Variants in ENAH observed in about 807,000 individuals in gnomAD.
ENAH encodes protein enabled homolog.
ENAH carries 23 observed loss-of-function variants against 78.7 expected under a neutral mutation model. That is an observed-to-expected ratio of 0.29 (90% confidence interval 0.21 to 0.41). ENAH has a LOEUF of 0.41. ENAH is among the 10% of genes least tolerant of loss of function. ENAH has a pLI of 1.00. For missense variants in ENAH, 544 were observed against 691.0 expected (o/e 0.79, Z 2.39); for synonymous variants, 226 against 241.0 (o/e 0.94, Z 0.58).
chr1:225,585,226 A>G, intron 1 of ENAH, among the ~76,000 whole-genome samples: 1 of 147,248 alleles, frequency 6.8e-6, no homozygotes, highest in Non-Finnish European at 1.5e-5. Flanking sequence ...AAAAAAAAAA[A>G]AAAAAAAAAA....
chr1:225,611,244 G>A (rs970008722), intron 1 of ENAH, among the ~76,000 whole-genome samples: 3 of 152,134 alleles, frequency 2.0e-5, no homozygotes, highest in Admixed American at 2.0e-4. Context: ...TGGAAGGACT[G>A]TATGAGCCTG....
intron 2 of ENAH, among the ~76,000 whole-genome samples, chr1:225,555,451 G>A (rs1437757160): frequency 2.0e-5 from 3 of 152,000 alleles, no homozygotes; most frequent in African/African-American, 2.4e-5. Flanking sequence ...GCGCAGTGGC[G>A]GGTGCCTGTA....
intron 1 of ENAH, among the ~76,000 whole-genome samples, chr1:225,576,056 T>C (rs561656): frequency 0.66 from 100,489 of 151,884 alleles, 33,517 homozygotes; most frequent in Middle Eastern, 0.74. Flanking sequence ...CTCCCAGAGG[T>C]TGAGAATCAG....
At position 225,639,786 on chromosome 1, in the gene ENAH, A is replaced by T. The variant is rs76799839; in HGVS notation, c.5+12900T>A. ...TTCCTCCAAGAATTACTGGGTCTCA[A>T]TGTGAATCCTGGAAGCCCTATGGTC... On this transcript the variant is annotated intron_variant, in intron 1 of 13. Transcript: ENST00000366843. 4.7e-4 allele frequency among the ~76,000 whole-genome samples: 72 copies of T among 151,614 alleles called. 1 individual carries two copies. The East Asian group carries it at 0.012, about 26-fold the overall frequency.
At chr1:225,652,164 T>G (rs992806331) in intron 1 of ENAH, among the ~76,000 whole-genome samples, 1 of 151,932 alleles carries the variant, frequency 6.6e-6, no homozygotes, top group African/African-American at 2.4e-5. Flanking sequence ...ATCGTGAAAT[T>G]TCACCTTTCA....
At chr1:225,552,222 C>T (rs1461519712) in intron 3 of ENAH, among the ~76,000 whole-genome samples, 8 of 150,504 alleles carry the variant, frequency 5.3e-5, no homozygotes, top group Middle Eastern at 3.4e-3. Context: ...CTGCAAGCTC[C>T]GCCTCCCGGG....
intron 1 of ENAH, among the ~76,000 whole-genome samples, chr1:225,629,519 G>A (rs1283127792): frequency 5.5e-5 from 8 of 145,162 alleles, no homozygotes; most frequent in Admixed American, 2.7e-4. Flanking sequence ...TCTGGGAAGC[G>A]GAGGTTGCAG....
chr1:225,636,848 A>G (rs1177756713), intron 1 of ENAH, among the ~76,000 whole-genome samples: 1 of 152,308 alleles, frequency 6.6e-6, no homozygotes, highest in East Asian at 1.9e-4. Flanking sequence ...TAAGGGAAAA[A>G]TGTATGTATG....
At chr1:225,510,592 T>C (rs1340495359) in intron 10 of ENAH, among the ~76,000 whole-genome samples, 1 of 149,444 alleles carries the variant, frequency 6.7e-6, no homozygotes, top group Non-Finnish European at 1.5e-5. Flanking sequence ...AATTATGGTA[T>C]AGCAATCAAC....
At chr1:225,588,650 A>T (rs936716678) in intron 1 of ENAH, among the ~76,000 whole-genome samples, 1 of 152,160 alleles carries the variant, frequency 6.6e-6, no homozygotes, top group Non-Finnish European at 1.5e-5. Context: ...TCGACTAAAA[A>T]TACAAAAATT....
At chr1:225,585,591 C>G (rs1293112380) in intron 1 of ENAH, among the ~76,000 whole-genome samples, 2 of 151,976 alleles carry the variant, frequency 1.3e-5, no homozygotes, top group African/African-American at 4.8e-5. Context: ...AGTTCGAGAC[C>G]AACCTGACCA....
chr1:225,502,163 G>T (rs768055159), intron 11 of ENAH, among the ~76,000 whole-genome samples: 2 of 152,070 alleles, frequency 1.3e-5, no homozygotes, highest in African/African-American at 2.4e-5. Flanking sequence ...TAAACCCATA[G>T]GCATGGTTCC....
intron 1 of ENAH, among the ~76,000 whole-genome samples, chr1:225,571,304 T>G (rs1374538390): frequency 6.6e-6 from 1 of 151,026 alleles, no homozygotes. Context: ...ACCCAGGAGA[T>G]GGAGGTTGCA....
intron 1 of ENAH, among the ~76,000 whole-genome samples, chr1:225,589,313 A>T (rs1260814908): frequency 6.6e-6 from 1 of 152,176 alleles, no homozygotes; most frequent in Non-Finnish European, 1.5e-5. Flanking sequence ...AAAAGGAAAA[A>T]ATATATATAA....
intron 1 of ENAH, among the ~76,000 whole-genome samples, chr1:225,637,399 G>A (rs759050133): frequency 6.6e-6 from 1 of 152,180 alleles, no homozygotes; most frequent in Non-Finnish European, 1.5e-5. Flanking sequence ...GTAGAGACGG[G>A]GTTTCACCAG....
At chr1:225,601,460 G>A (rs1267291921) in intron 1 of ENAH, among the ~76,000 whole-genome samples, 3 of 151,538 alleles carry the variant, frequency 2.0e-5, no homozygotes, top group Non-Finnish European at 2.9e-5. Flanking sequence ...GGGGCTTGCA[G>A]TGAGCCAAGA....
chr1:225,577,099 A>C (rs1248444529), intron 1 of ENAH, among the ~76,000 whole-genome samples: 3 of 152,226 alleles, frequency 2.0e-5, no homozygotes, highest in Non-Finnish European at 2.9e-5. Context: ...CCTGGGTGAC[A>C]GAGTTAAGAC....
chr1:225,517,890 T>G (rs1053410364), intron 5 of ENAH: 4 of 1,551,074 alleles, frequency 2.6e-6, no homozygotes, highest in Middle Eastern at 1.7e-4. Context: ...ACACTGGAGC[T>G]GAGATGACTT....
At chr1:225,641,450 CACA>C (rs1661041925) in intron 1 of ENAH, among the ~76,000 whole-genome samples, 1 of 110,242 alleles carries the variant, frequency 9.1e-6, no homozygotes, top group African/African-American at 3.6e-5. Context: ...ACTTGAGCAA[CACA>C]GCAAGACTCC....
Sources: gnomAD v4.1 joint callset for allele counts (sites outside exome capture counted in the v4.1 genomes callset) on GRCh38, gnomAD v4.1.1 for gene constraint, MANE v1.5 for transcripts, NCBI Gene and HGNC (gene_info 2026-07-23, HGNC 2026-07-21) for gene names.